The following VPS13B variants were observed in gnomAD, a reference collection of about 807,000 sequenced individuals.
The protein encoded by VPS13B is vacuolar protein sorting 13 homolog B.
A neutral mutation model predicts 426.4 loss-of-function variants in VPS13B; 285 were observed. The observed-to-expected ratio is 0.67, with a 90% CI of 0.61 to 0.74. The LOEUF is 0.74. Ranked by LOEUF, VPS13B falls within the 30% of genes least tolerant of loss-of-function variation. The pLI, the probability that VPS13B is intolerant of heterozygous loss-of-function variation, is 0.00. For missense variants in VPS13B, 4,537 were observed against 4,782.6 expected, an observed-to-expected ratio of 0.95 and a Z score of 1.51; for synonymous variants, 1,676 against 1,676.4, an observed-to-expected ratio of 1.00 and a Z score of 0.01.
intron 3 of VPS13B, among the ~76,000 whole-genome samples, chr8:99,077,668 T>C (rs1845208325): frequency 6.6e-6 from 1 of 152,210 alleles, no homozygotes; most frequent in South Asian, 2.1e-4. Flanking sequence ...ATTCTCTCTG[T>C]GTCGTTGATT....
Position 99,562,971 on chromosome 8 carries a change from A to T in VPS13B, c.4949+6318A>T, listed in dbSNP as rs541567639. Among the ~76,000 whole-genome samples, 14 of 152,296 alleles carry T rather than the reference A, an allele frequency of 9.2e-5. No individual in the cohort carries two copies. The South Asian group carries it at 2.7e-3, about 29-fold the overall frequency. On this transcript the variant is annotated intron_variant, in intron 31 of 61. Coordinates refer to ENST00000357162, the MANE Select transcript of VPS13B (RefSeq NM_152564.5). ...GGAGTTTAAGATCAGCCTAGGCAACATAGTGAGACCTTGTCTCAACAACAA... is the reference window on the plus strand; with the variant it reads ...GGAGTTTAAGATCAGCCTAGGCAACTTAGTGAGACCTTGTCTCAACAACAA...
At chr8:99,471,323 C>T (rs941478936) in intron 24 of VPS13B, among the ~76,000 whole-genome samples, 7 of 151,970 alleles carry the variant, frequency 4.6e-5, no homozygotes, top group Non-Finnish European at 4.4e-5. Flanking sequence ...CTGGTTTTTT[C>T]AGTGTATGTA....
chr8:99,064,881 T>G (rs992937572), intron 3 of VPS13B, among the ~76,000 whole-genome samples: 6 of 152,150 alleles, frequency 3.9e-5, no homozygotes, highest in South Asian at 2.1e-4. Flanking sequence ...ACCCACAAAG[T>G]GAAGCCCATC....
intron 17 of VPS13B, among the ~76,000 whole-genome samples, chr8:99,219,789 A>G (rs1045307741): frequency 1.3e-5 from 2 of 152,190 alleles, no homozygotes; most frequent in East Asian, 3.8e-4. Context: ...CACAATGGCA[A>G]TTAAATTTCA....
intron 23 of VPS13B, among the ~76,000 whole-genome samples, chr8:99,458,201 AATG>A (rs1390196909): frequency 2.0e-5 from 3 of 151,888 alleles, no homozygotes. Flanking sequence ...GTTTGCTGAG[AATG>A]ATGGTTTCCA....
intron 35 of VPS13B, chr8:99,696,887 G>A (rs955543451): frequency 1.0e-5 from 8 of 787,470 alleles, no homozygotes; most frequent in Non-Finnish European, 1.9e-5. Context: ...CAACTTCTGC[G>A]GTTCCAGCTC....
At chr8:99,394,912 C>G (rs1814646614) in intron 21 of VPS13B, among the ~76,000 whole-genome samples, 2 of 152,084 alleles carry the variant, frequency 1.3e-5, no homozygotes, top group South Asian at 4.1e-4. Context: ...ACTATAAATT[C>G]AAAATATAGA....
chr8:99,741,893 C>T (rs1164794804), intron 39 of VPS13B, among the ~76,000 whole-genome samples: 3 of 151,826 alleles, frequency 2.0e-5, no homozygotes. Context: ...AAATTGACAC[C>T]CTAACATCAC....
intron 42 of VPS13B, among the ~76,000 whole-genome samples, chr8:99,783,864 A>C (rs1416349641): frequency 1.3e-5 from 2 of 152,150 alleles, no homozygotes; most frequent in African/African-American, 4.8e-5. Flanking sequence ...TGTTTTACCT[A>C]AATGATTCTT....
intron 21 of VPS13B, among the ~76,000 whole-genome samples, chr8:99,401,821 G>A (rs542849120): frequency 9.9e-5 from 15 of 152,262 alleles, no homozygotes; most frequent in South Asian, 6.2e-4. Context: ...AGCCGAGATC[G>A]CGCCACTGCA....
chr8:99,618,956 C>G (rs1021332824), intron 33 of VPS13B, among the ~76,000 whole-genome samples: 3 of 152,128 alleles, frequency 2.0e-5, no homozygotes, highest in African/African-American at 7.2e-5. Context: ...TCCTAACTCT[C>G]TCTGCTCTGC....
At chr8:99,089,052 T>G (rs1846001167) in intron 3 of VPS13B, among the ~76,000 whole-genome samples, 1 of 152,214 alleles carries the variant, frequency 6.6e-6, no homozygotes, top group Admixed American at 6.5e-5. Context: ...TAATTTAGTA[T>G]TATATTTTTC....
At chr8:99,657,508 T>C (rs1332513485) in intron 34 of VPS13B, among the ~76,000 whole-genome samples, 4 of 40,510 alleles carry the variant, frequency 9.9e-5, no homozygotes, top group African/African-American at 3.2e-4. Context: ...GCAGATAGAT[T>C]TTTTACATTT....
intron 59 of VPS13B, among the ~76,000 whole-genome samples, chr8:99,870,154 A>C (rs1193213804): frequency 6.6e-6 from 1 of 152,204 alleles, no homozygotes; most frequent in Non-Finnish European, 1.5e-5. Flanking sequence ...AGAAGTATTA[A>C]GGAAGTTAAC....
chr8:99,417,562 A>G (rs912559749), intron 21 of VPS13B, among the ~76,000 whole-genome samples: 4 of 152,200 alleles, frequency 2.6e-5, no homozygotes, highest in African/African-American at 4.8e-5. Context: ...GTTGTTGTCT[A>G]TGTGATTTGT....
At chr8:99,293,636 C>T (rs1220158478) in intron 19 of VPS13B, among the ~76,000 whole-genome samples, 3 of 145,878 alleles carry the variant, frequency 2.1e-5, no homozygotes, top group Non-Finnish European at 4.6e-5. Context: ...TTTTCGCAAC[C>T]TACTCATCTG....
chr8:99,253,681 T>G (rs3890706), intron 17 of VPS13B, among the ~76,000 whole-genome samples: 112,355 of 151,962 alleles, frequency 0.74, 42,204 homozygotes, highest in South Asian at 0.86. Context: ...GATCCAGTCT[T>G]CCAGTCTTGT....
chr8:99,227,406 A>T (rs149754188), intron 17 of VPS13B, among the ~76,000 whole-genome samples: 81 of 152,308 alleles, frequency 5.3e-4, no homozygotes, highest in African/African-American at 1.9e-3. Context: ...TCAATGTTAT[A>T]TTTAACCTAT....
intron 43 of VPS13B, among the ~76,000 whole-genome samples, chr8:99,786,405 T>C (rs1056606326): frequency 6.6e-6 from 1 of 152,144 alleles, no homozygotes; most frequent in Admixed American, 6.6e-5. Context: ...CTCAATACAG[T>C]GTCACTTCAA....
Sources: allele counts gnomAD v4.1 joint callset (sites outside exome capture counted in the v4.1 genomes callset), GRCh38; gene constraint gnomAD v4.1.1; transcripts MANE v1.5; gene names NCBI Gene and HGNC (gene_info 2026-07-23, HGNC 2026-07-21).